The following IQCJ variants were observed in gnomAD, a reference collection of about 807,000 sequenced individuals.
IQCJ encodes IQ domain-containing protein J.
A neutral mutation model predicts 11.0 loss-of-function variants in IQCJ; 9 were observed. That is an observed-to-expected ratio of 0.82 (90% CI 0.49 to 1.43). The LOEUF (loss-of-function observed/expected upper bound fraction) is 1.43. IQCJ is among the 40% of genes most tolerant of loss of function. The pLI is 0.00. For missense variants in IQCJ, 146 were observed against 133.2 expected (o/e 1.10, Z -0.47); for synonymous variants, 55 against 51.3 (o/e 1.07, Z -0.31).
chr3:159,250,224 G>C (rs2108208842), intron 2 of IQCJ, among the ~76,000 whole-genome samples: 1 of 152,302 alleles, frequency 6.6e-6, no homozygotes, highest in East Asian at 1.9e-4. Flanking sequence ...GTAGTTTATA[G>C]TTTGGTGAGG....
At chr3:159,199,371 G>A (rs1306390175) in intron 1 of IQCJ, among the ~76,000 whole-genome samples, 2 of 152,158 alleles carry the variant, frequency 1.3e-5, no homozygotes, top group African/African-American at 4.8e-5. Flanking sequence ...CACAAGCCAA[G>A]GAATGTAGGC....
At chr3:159,265,513 T>C, downstream of IQCJ, 1 of 860,838 alleles carries the variant, frequency 1.2e-6, no homozygotes, top group Non-Finnish European at 1.8e-6. Flanking sequence ...TTGGAACTTC[T>C]GTGTTAAAAG....
chr3:159,226,728 A>G (rs928312155), intron 1 of IQCJ, among the ~76,000 whole-genome samples: 1 of 152,198 alleles, frequency 6.6e-6, no homozygotes, highest in Non-Finnish European at 1.5e-5. Flanking sequence ...GTTGCTTTGT[A>G]AGTTGTGGTT....
At chr3:159,165,619 CT>C (rs72123015) in intron 1 of IQCJ, among the ~76,000 whole-genome samples, 4,345 of 142,450 alleles carry the variant, frequency 0.031, 199 homozygotes, top group African/African-American at 0.1. Context: ...GTTAAAGCTT[CT>C]TTTTTTTTTT....
intron 1 of IQCJ, among the ~76,000 whole-genome samples, chr3:159,161,767 G>T (rs1196839792): frequency 6.6e-6 from 1 of 152,150 alleles, no homozygotes; most frequent in Non-Finnish European, 1.5e-5. Flanking sequence ...AGTTTTCCCA[G>T]CACCATTTAT....
intron 1 of IQCJ, among the ~76,000 whole-genome samples, chr3:159,159,676 A>G (rs1342935524): frequency 6.6e-6 from 1 of 152,128 alleles, no homozygotes; most frequent in Non-Finnish European, 1.5e-5. Flanking sequence ...GTTCCCTCCA[A>G]ATTTCATGTT....
At chr3:159,191,235 C>T (rs1388204484) in intron 1 of IQCJ, among the ~76,000 whole-genome samples, 1 of 152,166 alleles carries the variant, frequency 6.6e-6, no homozygotes, top group Non-Finnish European at 1.5e-5. Context: ...CCAGCACCTT[C>T]TCTAGGCTCA....
intron 1 of IQCJ, among the ~76,000 whole-genome samples, chr3:159,237,576 C>A (rs1306672833): frequency 6.6e-6 from 1 of 152,222 alleles, no homozygotes; most frequent in Non-Finnish European, 1.5e-5. Flanking sequence ...GCCTAGATTC[C>A]TTTGCCACTC....
intron 1 of IQCJ, among the ~76,000 whole-genome samples, chr3:159,164,594 C>T (rs1406189555): frequency 6.6e-6 from 1 of 152,188 alleles, no homozygotes; most frequent in East Asian, 1.9e-4. Flanking sequence ...ATGGTGAAAC[C>T]CTGTCTCTAG....
At position 159,073,055 on chromosome 3, in the gene IQCJ, GC is replaced by G. The variant is rs551742721; in HGVS notation, c.9+3616del. The stretch of plus-strand genomic sequence containing the variant: ...AAGGAAGCAAAATTGGGCAGGGAGA[GC>G]CTTCTGACCACACAATGCAGATATG... On this transcript the variant is annotated intron_variant, in intron 1 of 3. Transcript: ENST00000397832. Among the ~76,000 whole-genome samples, 1,451 of 152,162 alleles carry G rather than the reference GC, an allele frequency of 9.5e-3. 20 individuals are homozygous for G. Among genetic ancestry groups the G allele is most frequent in the African/African-American group, 0.034 (1,406 of 41,522 alleles).
At chr3:159,144,466 C>T (rs1374418138) in intron 1 of IQCJ, among the ~76,000 whole-genome samples, 1 of 152,122 alleles carries the variant, frequency 6.6e-6, no homozygotes, top group South Asian at 2.1e-4. Flanking sequence ...ATTCCTTTCT[C>T]ACCAGTCCTC....
intron 1 of IQCJ, among the ~76,000 whole-genome samples, chr3:159,079,147 C>T (rs1716142592): frequency 6.6e-6 from 1 of 152,048 alleles, no homozygotes; most frequent in Non-Finnish European, 1.5e-5. Flanking sequence ...ACCAACTAAG[C>T]ATGGGCAGGA....
chr3:159,181,373 A>G (rs1161985141), intron 1 of IQCJ, among the ~76,000 whole-genome samples: 3 of 146,412 alleles, frequency 2.0e-5, no homozygotes, highest in African/African-American at 7.6e-5. Context: ...CTCACTGGGC[A>G]GGAAGTCTAG....
chr3:159,121,325 G>A (rs1046142957), intron 1 of IQCJ, among the ~76,000 whole-genome samples: 1 of 151,944 alleles, frequency 6.6e-6, no homozygotes, highest in African/African-American at 2.4e-5. Context: ...TTTAGAGACT[G>A]GGTCTTGCCA....
intron 1 of IQCJ, among the ~76,000 whole-genome samples, chr3:159,147,614 G>A (rs1720991726): frequency 6.6e-6 from 1 of 152,172 alleles, no homozygotes; most frequent in Non-Finnish European, 1.5e-5. Context: ...TCTTTCTGAA[G>A]AAGGTGTGGT....
intron 1 of IQCJ, among the ~76,000 whole-genome samples, chr3:159,086,198 C>A (rs1295824600): frequency 6.6e-6 from 1 of 152,048 alleles, no homozygotes; most frequent in African/African-American, 2.4e-5. Context: ...GCTTGTTTTT[C>A]TCAGGTTTGT....
chr3:159,114,892 A>G (rs1041840210), intron 1 of IQCJ, among the ~76,000 whole-genome samples: 5 of 152,052 alleles, frequency 3.3e-5, no homozygotes, highest in Non-Finnish European at 5.9e-5. Context: ...AAAATCATGC[A>G]AATTTTAGTA....
intron 1 of IQCJ, among the ~76,000 whole-genome samples, chr3:159,177,743 T>C (rs1722871064): frequency 6.6e-6 from 1 of 152,192 alleles, no homozygotes; most frequent in Admixed American, 6.5e-5. Flanking sequence ...TTATTTTAGA[T>C]GTTATTCAAT....
intron 3 of IQCJ, among the ~76,000 whole-genome samples, chr3:159,254,663 G>A (rs944824564): frequency 1.3e-5 from 2 of 151,932 alleles, no homozygotes; most frequent in Non-Finnish European, 2.9e-5. Flanking sequence ...TGAGTATTCT[G>A]CTTCCTTCCT....
Sources: allele counts gnomAD v4.1 joint callset (sites outside exome capture counted in the v4.1 genomes callset), GRCh38; gene constraint gnomAD v4.1.1; transcripts MANE v1.5; gene names NCBI Gene and HGNC (gene_info 2026-07-23, HGNC 2026-07-21).